FOXN1: variants seen among roughly 807,000 people sequenced by gnomAD.
FOXN1 encodes forkhead box N1.
A neutral mutation model predicts 49.0 loss-of-function variants in FOXN1; 15 were observed. The ratio of observed to expected loss-of-function variants is 0.31; its 90% CI spans 0.20 to 0.47. The LOEUF is 0.47. Among genes scored for constraint, FOXN1 ranks in the 20% least tolerant of loss-of-function variants. The pLI is 1.00. For synonymous variants in FOXN1, 356 were observed against 369.0 expected (o/e 0.96, Z 0.40); for missense variants, 800 against 842.8 (o/e 0.95, Z 0.63).
chr17:28,510,555 G>GAC (rs5819849), intron 1 of FOXN1, among the ~76,000 whole-genome samples: 21,755 of 132,836 alleles, frequency 0.16, 1,962 homozygotes, highest in East Asian at 0.3. Flanking sequence ...CATGAGGAAG[G>GAC]ACACACACAC....
At chr17:28,523,916 A>T in intron 1 of FOXN1, 40 bp from the exon 2 acceptor site, 5 of 1,611,298 alleles carry the variant, frequency 3.1e-6, no homozygotes, top group Non-Finnish European at 4.2e-6. Flanking sequence ...TCCCCACTGG[A>T]TGCTGGTCCT....
chr17:28,515,022 T>C (rs889870601), intron 1 of FOXN1, among the ~76,000 whole-genome samples: 8 of 152,120 alleles, frequency 5.3e-5, no homozygotes, highest in Non-Finnish European at 1.0e-4. Flanking sequence ...CTGAGTGAAC[T>C]TGGGCAAGTC....
chr17:28,526,334 A>T (rs1286915895), intron 3 of FOXN1, among the ~76,000 whole-genome samples: 1 of 152,228 alleles, frequency 6.6e-6, no homozygotes, highest in Non-Finnish European at 1.5e-5. Flanking sequence ...ACCCCAGGGC[A>T]CACCCAGAGA....
chr17:28,535,251 G>T (rs866327967), intron 8 of FOXN1, 53 bp downstream of exon 8: 7 of 1,583,566 alleles, frequency 4.4e-6, no homozygotes, highest in South Asian at 1.1e-5. Context: ...AGGAGCACCT[G>T]GCAGTGGGAC....
chr17:28,530,700 C>T (rs754676566), intron 5 of FOXN1, 49 bp from the exon 6 acceptor site: 1 of 1,076,824 alleles, frequency 9.3e-7, no homozygotes, highest in Middle Eastern at 2.2e-4. Context: ...GGGGTGGGCT[C>T]AGGACCCAGT....
rs552241368 is a variant in FOXN1 at position 28,534,220 on chromosome 17, G to A, written c.928-111G>A. 4.1e-4 allele frequency: 623 copies of A among 1,530,668 alleles called. 6 individuals are homozygous for A. The South Asian group carries it at 6.8e-3, about 17-fold the overall frequency. The allele number at this position is 1,530,668 out of a possible 1,614,324, so 94.8% of individuals were successfully genotyped here. On this transcript the variant is annotated intron_variant, in intron 6 of 8. Transcript: ENST00000579795. The surrounding 1 kb of genome is among the most constrained non-coding windows in gnomAD (Gnocchi z 4.1). The stretch of plus-strand genomic sequence containing the variant: ...AGGAGGACAACAAGCCCCAGAGTGG[G>A]CGGCAGCTCTGTGCCCAGAGGAGAA...
intron 6 of FOXN1, among the ~76,000 whole-genome samples, chr17:28,532,573 C>T (rs2069938870): frequency 6.6e-6 from 1 of 152,226 alleles, no homozygotes; most frequent in Non-Finnish European, 1.5e-5. Context: ...TCTGACAGTT[C>T]CCCTGTGACC....
chr17:28,536,567 AG>A (rs2070069171), intron 8 of FOXN1, among the ~76,000 whole-genome samples: 1 of 151,988 alleles, frequency 6.6e-6, no homozygotes, highest in African/African-American at 2.4e-5. Flanking sequence ...CCAGTGCAGG[AG>A]CCCCAGGCCC....
chr17:28,514,236 T>A (rs1048301960), intron 1 of FOXN1, among the ~76,000 whole-genome samples: 1 of 152,110 alleles, frequency 6.6e-6, no homozygotes, highest in African/African-American at 2.4e-5. Context: ...CAGCTGCAGG[T>A]GTCGGTGGCT....
At position 28,534,639 on chromosome 17, in the gene FOXN1, G is replaced by A; in HGVS notation, c.1136-68G>A. The A allele has an allele frequency of 6.2e-7, 1 of 1,609,162 alleles. No individual in the cohort carries two copies. Among genetic ancestry groups the A allele is most frequent in the Non-Finnish European group, 8.5e-7 (1 of 1,177,442 alleles). ...GAATGAGGCAAGGCCCCGAGTAAGG[G>A]TTCCAGTCTGGGGAAGACTGTGGAG... On this transcript the variant is annotated intron_variant, in intron 7 of 8. Transcript: ENST00000579795. The surrounding 1 kb of genome is among the most constrained non-coding windows in gnomAD (Gnocchi z 4.1).
chr17:28,513,745 C>T (rs1285917597), intron 1 of FOXN1, among the ~76,000 whole-genome samples: 1 of 152,240 alleles, frequency 6.6e-6, no homozygotes, highest in Non-Finnish European at 1.5e-5. Flanking sequence ...AATGACTCCC[C>T]GAAGCGGTGA....
At chr17:28,512,710 G>A (rs1410541728) in intron 1 of FOXN1, among the ~76,000 whole-genome samples, 14 of 152,174 alleles carry the variant, frequency 9.2e-5, no homozygotes, top group South Asian at 2.1e-4. Context: ...TAACCTTGGC[G>A]GGGCAAGCTT....
At chr17:28,536,289 C>A (rs1472277385) in intron 8 of FOXN1, among the ~76,000 whole-genome samples, 1 of 152,216 alleles carries the variant, frequency 6.6e-6, no homozygotes, top group Admixed American at 6.5e-5. Context: ...TCAGAGGAAG[C>A]TATAGACATG....
At chr17:28,526,788 G>A (rs1294963339) in intron 3 of FOXN1, among the ~76,000 whole-genome samples, 1 of 152,168 alleles carries the variant, frequency 6.6e-6, no homozygotes, top group African/African-American at 2.4e-5. Flanking sequence ...AGCTGGACCA[G>A]CCTGTCTGGC....
intron 3 of FOXN1, among the ~76,000 whole-genome samples, chr17:28,525,323 G>A (rs1055597990): frequency 6.6e-6 from 1 of 152,180 alleles, no homozygotes; most frequent in Admixed American, 6.5e-5. Context: ...AGAGGCCAAG[G>A]GAAAGGGTTT....
At position 28,534,693 on chromosome 17, in the gene FOXN1, CTT is replaced by C; in HGVS notation, c.1136-13_1136-12del. 6.2e-7 allele frequency: 1 copy of C among 1,613,242 alleles called. No homozygotes were observed. Among genetic ancestry groups the C allele is most frequent in the Non-Finnish European group, 8.5e-7 (1 of 1,179,898 alleles). Reference sequence around the variant, plus strand: ...GGAGGTCTCATGGTGTTCTTTCTCTCTTGGGCCTTTCAGAAGAGCTGGACAGC... The same window carrying C: ...GGAGGTCTCATGGTGTTCTTTCTCTCGGGCCTTTCAGAAGAGCTGGACAGC... On this transcript the variant is annotated splice_polypyrimidine_tract_variant and intron_variant, in intron 7 of 8. Transcript: ENST00000579795. The surrounding 1 kb of genome is among the most constrained non-coding windows in gnomAD (Gnocchi z 4.1).
chr17:28,522,002 C>T (rs1296689834), intron 1 of FOXN1, among the ~76,000 whole-genome samples: 1 of 152,208 alleles, frequency 6.6e-6, no homozygotes, highest in Non-Finnish European at 1.5e-5. Context: ...GATGCCTGGC[C>T]TCCCAGCCTA....
At chr17:28,531,251 G>A (rs1439673654) in intron 6 of FOXN1, among the ~76,000 whole-genome samples, 1 of 152,200 alleles carries the variant, frequency 6.6e-6, no homozygotes, top group East Asian at 1.9e-4. Context: ...ACGGTGACTG[G>A]GAGGTCGGGG....
intron 3 of FOXN1, among the ~76,000 whole-genome samples, chr17:28,526,196 AC>A (rs2069762541): frequency 6.6e-6 from 1 of 152,174 alleles, no homozygotes; most frequent in South Asian, 2.1e-4. Context: ...TTGCTGGGTG[AC>A]CTTGGGCATA....
Sources: gnomAD v4.1 joint callset for allele counts (sites outside exome capture counted in the v4.1 genomes callset) on GRCh38, gnomAD v4.1.1 for gene constraint, Gnocchi (gnomAD v3.1) non-coding constraint, MANE v1.5 for transcripts, NCBI Gene and HGNC (gene_info 2026-07-23, HGNC 2026-07-21) for gene names.